Variants in STK32B observed in about 807,000 individuals in gnomAD.
The protein encoded by STK32B is serine/threonine kinase 32B.
In STK32B, 43 loss-of-function variants were observed where a neutral mutation model predicts 52.6. That is an observed-to-expected ratio of 0.82 (90% CI 0.64 to 1.05). STK32B has a LOEUF of 1.05. Ranked by LOEUF, STK32B falls within the 50% of genes least tolerant of loss-of-function variation. The pLI is 0.00. For synonymous variants in STK32B, 238 were observed against 204.3 expected (o/e 1.17, Z -1.41); for missense variants, 621 against 534.6 (o/e 1.16, Z -1.59).
At chr4:5,409,444 A>ATACACAT (rs1451859021) in intron 5 of STK32B, among the ~76,000 whole-genome samples, 1 of 152,182 alleles carries the variant, frequency 6.6e-6, no homozygotes, top group Non-Finnish European at 1.5e-5. Flanking sequence ...TGAGATAGAA[A>ATACACAT]GGAAGTGTAT....
At chr4:5,247,594 C>T (rs546975080) in intron 3 of STK32B, among the ~76,000 whole-genome samples, 40 of 152,270 alleles carry the variant, frequency 2.6e-4, no homozygotes, top group South Asian at 1.5e-3. Flanking sequence ...ACCCACTGTC[C>T]GGCGCTTCCC....
intron 1 of STK32B, among the ~76,000 whole-genome samples, chr4:5,072,666 C>T (rs533647066): frequency 1.3e-5 from 2 of 151,630 alleles, no homozygotes. Context: ...TTTGATCTAC[C>T]TTGGTAAACA....
intron 1 of STK32B, among the ~76,000 whole-genome samples, chr4:5,068,863 T>C (rs1711586837): frequency 6.6e-6 from 1 of 152,150 alleles, no homozygotes; most frequent in Non-Finnish European, 1.5e-5. Context: ...GTGAGATGTT[T>C]TTCATTAACG....
rs1439228716 is a variant in STK32B, at chr4:5,469,083, G to C, written c.1106+1013G>C. 6.6e-6 allele frequency among the ~76,000 whole-genome samples: 1 copy of C among 151,006 alleles called. No individual in the cohort carries two copies. The highest frequency in any genetic ancestry group is 2.4e-5 in the African/African-American group (1 of 41,108). ...AAAAAAAAAATTATCTAGGGGATTT[G>C]TGGCTGTGGCTGACTTGTCAGAGCT... On this transcript the variant is annotated intron_variant, in intron 11 of 11. Coordinates refer to ENST00000282908, the MANE Select transcript of STK32B (RefSeq NM_018401.3). This position sits in a 1 kb window ranked among gnomAD's most constrained non-coding sequence, Gnocchi z 4.7.
In STK32B at chr4:5,110,972, GA is replaced by G. The variant is rs112996629; in HGVS notation, c.53-28923del. On this transcript the variant is annotated intron_variant, in intron 1 of 11. Coordinates refer to ENST00000282908, the MANE Select transcript of STK32B (RefSeq NM_018401.3). ...GCAAAAGACATGAAAATACATTTTT[GA>G]AAAAAAAAAGAAATATAAGCTTCCA... is the stretch of plus-strand genomic sequence containing the variant. Among the ~76,000 whole-genome samples, 910 of 145,024 alleles carry G rather than the reference GA, an allele frequency of 6.3e-3. 6 individuals are homozygous for G. Among genetic ancestry groups the G allele is most frequent in the Non-Finnish European group, 0.011 (715 of 65,634 alleles).
intron 3 of STK32B, among the ~76,000 whole-genome samples, chr4:5,231,052 C>T (rs995352842): frequency 3.3e-5 from 5 of 152,184 alleles, no homozygotes; most frequent in East Asian, 1.9e-4. Flanking sequence ...CAGAGCTCCC[C>T]GTGGGGTTGT....
chr4:5,316,172 T>TA (rs1488499649), intron 3 of STK32B, among the ~76,000 whole-genome samples: 24 of 111,500 alleles, frequency 2.2e-4, no homozygotes, highest in African/African-American at 4.9e-4. Flanking sequence ...ACTAAATATA[T>TA]ATATAACTAA....
At position 5,179,584 on chromosome 4, in the gene STK32B, A is replaced by G. The variant is rs1329054580; in HGVS notation, c.260+11134A>G. 3.3e-5 allele frequency among the ~76,000 whole-genome samples: 5 copies of G among 152,206 alleles called. No individual in the cohort carries two copies. In the East Asian group the frequency reaches 9.6e-4, roughly 29 times the overall value. On this transcript the variant is annotated intron_variant, in intron 3 of 11. Coordinates refer to ENST00000282908, the MANE Select transcript of STK32B (RefSeq NM_018401.3). ...GATATAGATGATAGATGATTAATAA[A>G]TAGATGATAGATAAATAGATGATTG...
At chr4:5,189,557 C>T (rs1721020511) in intron 3 of STK32B, among the ~76,000 whole-genome samples, 1 of 152,172 alleles carries the variant, frequency 6.6e-6, no homozygotes, top group African/African-American at 2.4e-5. Flanking sequence ...TGGTAGCCTA[C>T]CGAAAGACAT....
At chr4:5,405,374 G>A (rs985318530) in intron 5 of STK32B, among the ~76,000 whole-genome samples, 9 of 152,100 alleles carry the variant, frequency 5.9e-5, no homozygotes, top group South Asian at 2.1e-4. Context: ...AAATTCACCC[G>A]TCACATCATC....
rs191017093 is a variant in STK32B, at chr4:5,245,274, C to G, written c.260+76824C>G. 2.0e-3 allele frequency among the ~76,000 whole-genome samples: 301 copies of G among 152,260 alleles called. 2 individuals carry two copies. Among genetic ancestry groups the G allele is most frequent in the African/African-American group, 6.9e-3 (286 of 41,540 alleles). On this transcript the variant is annotated intron_variant, in intron 3 of 11. Transcript: ENST00000282908. ...AATCTGGGTGCTCCTGTATTGGGTGCATATATATTTAGGATAGTTAGTTCT... is the reference window on the plus strand; with the variant it reads ...AATCTGGGTGCTCCTGTATTGGGTGGATATATATTTAGGATAGTTAGTTCT...
intron 3 of STK32B, among the ~76,000 whole-genome samples, chr4:5,175,836 C>T (rs184182768): frequency 6.6e-6 from 1 of 152,254 alleles, no homozygotes; most frequent in East Asian, 1.9e-4. Flanking sequence ...AGCTGTCAGA[C>T]AGGGACATTT....
intron 2 of STK32B, among the ~76,000 whole-genome samples, chr4:5,154,491 A>G (rs1035546461): frequency 6.6e-6 from 1 of 152,206 alleles, no homozygotes; most frequent in Admixed American, 6.5e-5. Flanking sequence ...CTGGGATTAC[A>G]GGCGTGAACC....
At chr4:5,334,326 T>G (rs1436376836) in intron 4 of STK32B, among the ~76,000 whole-genome samples, 42 of 152,188 alleles carry the variant, frequency 2.8e-4, no homozygotes, top group Non-Finnish European at 1.5e-5. Flanking sequence ...TACATTGATT[T>G]TGTATCCTGA....
chr4:5,373,705 C>T (rs551397500), intron 4 of STK32B, among the ~76,000 whole-genome samples: 2 of 152,266 alleles, frequency 1.3e-5, no homozygotes, highest in African/African-American at 4.8e-5. Flanking sequence ...CAGGAATCCG[C>T]CTCTCTCCCC....
At chr4:5,490,872 T>C (rs1449753061) in intron 11 of STK32B, among the ~76,000 whole-genome samples, 1 of 152,168 alleles carries the variant, frequency 6.6e-6, no homozygotes, top group African/African-American at 2.4e-5. Context: ...TGATTTCCAA[T>C]TTCATCCATG....
At chr4:5,059,081 T>G (rs66554351) in intron 1 of STK32B, among the ~76,000 whole-genome samples, 3 of 126,692 alleles carry the variant, frequency 2.4e-5, no homozygotes, top group South Asian at 2.4e-4. Flanking sequence ...TTTTTTTTTT[T>G]GTAGAGCTGA....
At chr4:5,196,539 G>C (rs1479744152) in intron 3 of STK32B, among the ~76,000 whole-genome samples, 2 of 151,606 alleles carry the variant, frequency 1.3e-5, no homozygotes, top group African/African-American at 2.4e-5. Context: ...TGACCAACAT[G>C]GTGAAACCCC....
At chr4:5,276,766 T>A (rs578240857) in intron 3 of STK32B, among the ~76,000 whole-genome samples, 1 of 151,990 alleles carries the variant, frequency 6.6e-6, no homozygotes, top group African/African-American at 2.4e-5. Context: ...CTCAGAAACA[T>A]GATGTGCTTG....
Sources: allele counts gnomAD v4.1 joint callset (sites outside exome capture counted in the v4.1 genomes callset), GRCh38; gene constraint gnomAD v4.1.1; non-coding constraint Gnocchi (gnomAD v3.1); transcripts MANE v1.5; gene names NCBI Gene and HGNC (gene_info 2026-07-23, HGNC 2026-07-21).